The following CLOCK variants were observed in gnomAD, a reference collection of about 807,000 sequenced individuals.
CLOCK encodes the protein clock circadian regulator.
A neutral mutation model predicts 118.4 loss-of-function variants in CLOCK; 43 were observed. The ratio of observed to expected loss-of-function variants is 0.36; its 90% CI spans 0.28 to 0.47. The LOEUF (loss-of-function observed/expected upper bound fraction) is 0.47. CLOCK is among the 20% of genes least tolerant of loss of function. The pLI is 1.00. For missense variants in CLOCK, 846 were observed against 999.9 expected, an observed-to-expected ratio of 0.85 and a Z score of 2.08; for synonymous variants, 326 against 339.2, an observed-to-expected ratio of 0.96 and a Z score of 0.43.
At position 55,510,629 on chromosome 4, in the gene CLOCK, TAAAA is replaced by T. The variant is rs3842583; in HGVS notation, c.-289-568_-289-565del. Among the ~76,000 whole-genome samples the T allele has an allele frequency of 4.2e-3, 442 of 104,292 alleles. 1 individual carries two copies. The highest frequency in any genetic ancestry group is 0.035 in the East Asian group (134 of 3,810). The allele number at this position is 104,292 out of a possible 152,430, so 68.4% of individuals were successfully genotyped here. ...GCGACAGAACAAGACTCTGTCTTTT[TAAAA>T]AAAAAAAAAAAAAAAAAAAAGGTTT... On this transcript the variant is annotated intron_variant, in intron 1 of 22. Transcript: ENST00000513440.
chr4:55,443,724 A>G lies in CLOCK; in HGVS notation c.1865T>C (p.Met622Thr). Residue 622 changes from methionine (M) to threonine (T), a missense_variant, in exon 20 of 23, where the codon ATG (methionine) becomes ACG (threonine). This residue lies in a region of CLOCK where 520 missense variants were observed against 558.0 expected (regional missense o/e 0.93). Coordinates refer to ENST00000513440, the MANE Select transcript of CLOCK (RefSeq NM_004898.4). ...NTGHIGTTQH[M>T]IQQQTLQSTS... ...ACTCTGTAAAGTCTGTTGTTGTATC[A>G]TGTGCTGAGTTGTGCCAATGTGTCC... The G allele has an allele frequency of 6.2e-7, 1 of 1,614,084 alleles. No individual in the cohort carries two copies. The highest frequency in any genetic ancestry group is 8.5e-7 in the Non-Finnish European group (1 of 1,179,990).
intron 1 of CLOCK, among the ~76,000 whole-genome samples, chr4:55,528,116 G>C (rs1213242719): frequency 6.6e-6 from 1 of 152,032 alleles, no homozygotes; most frequent in Non-Finnish European, 1.5e-5. Context: ...CCAGCACTTT[G>C]GGAGGCTGAG....
chr4:55,442,585 C>T lies in CLOCK; in HGVS notation c.1952G>A (p.Ser651Asn). Residue 651 changes from serine to asparagine, a missense_variant, in exon 21 of 23, where the codon AGT becomes AAT. By Grantham distance (46) the Ser-to-Asn change is conservative (BLOSUM62 1). Transcript: ENST00000513440. ...SGHSQQTSLPSQTQSTLTAPL... is the reference protein window; with the variant it reads ...SGHSQQTSLPNQTQSTLTAPL... ...GGCTGTAAGAGTGCTCTGTGTCTGA[C>T]TGGGTAGAGATGTTTGCTGACTGTG... 6.2e-7 allele frequency: 1 copy of T among 1,612,172 alleles called. No individual in the cohort carries two copies. Among genetic ancestry groups the T allele is most frequent in the Non-Finnish European group, 8.5e-7 (1 of 1,179,728 alleles).
intron 2 of CLOCK, among the ~76,000 whole-genome samples, chr4:55,493,908 A>C (rs1184704775): frequency 6.6e-6 from 1 of 152,262 alleles, no homozygotes; most frequent in African/African-American, 2.4e-5. Flanking sequence ...GAATGTCAAG[A>C]TGTAAGATAT....
chr4:55,441,211 A>C (rs1215394711), intron 21 of CLOCK, among the ~76,000 whole-genome samples: 1 of 152,188 alleles, frequency 6.6e-6, no homozygotes, highest in Non-Finnish European at 1.5e-5. Flanking sequence ...ACTTAAAACC[A>C]CAATTAAATA....
At chr4:55,539,351 A>G (rs1156405978) in intron 1 of CLOCK, among the ~76,000 whole-genome samples, 3 of 152,070 alleles carry the variant, frequency 2.0e-5, no homozygotes, top group Non-Finnish European at 4.4e-5. Context: ...AGGTGGGGGG[A>G]TCTCTTAAGC....
At chr4:55,445,564 A>G (rs1304876151) in intron 18 of CLOCK, among the ~76,000 whole-genome samples, 2 of 123,682 alleles carry the variant, frequency 1.6e-5, no homozygotes, top group Non-Finnish European at 3.5e-5. Flanking sequence ...TGCTCTCTGC[A>G]TCTGCTATTT....
intron 16 of CLOCK, among the ~76,000 whole-genome samples, chr4:55,449,813 T>TA (rs11347931): frequency 2.6e-5 from 4 of 152,002 alleles, no homozygotes; most frequent in Admixed American, 1.3e-4. Flanking sequence ...GGCCCTACAG[T>TA]AAAAAAACAC....
At chr4:55,503,753 G>A (rs576523516) in intron 2 of CLOCK, among the ~76,000 whole-genome samples, 1 of 151,912 alleles carries the variant, frequency 6.6e-6, no homozygotes, top group East Asian at 1.9e-4. Flanking sequence ...TCATGTTCAC[G>A]TTCTTTCTTA....
chr4:55,542,337 C>G (rs1410892842), intron 1 of CLOCK, among the ~76,000 whole-genome samples: 7 of 143,294 alleles, frequency 4.9e-5, no homozygotes, highest in African/African-American at 1.8e-4. Flanking sequence ...GAGAGAGACT[C>G]TGTCTCAAAT....
At chr4:55,475,656 G>C (rs950868390) in intron 7 of CLOCK, among the ~76,000 whole-genome samples, 6 of 152,164 alleles carry the variant, frequency 3.9e-5, no homozygotes, top group African/African-American at 1.4e-4. Context: ...CTGACACTGA[G>C]GCAATACCTT....
intron 3 of CLOCK, among the ~76,000 whole-genome samples, chr4:55,487,706 T>C (rs1234924470): frequency 6.6e-6 from 1 of 152,198 alleles, no homozygotes; most frequent in African/African-American, 2.4e-5. Flanking sequence ...CAACAAATCA[T>C]CCTGTTTTAG....
At chr4:55,543,982 C>T (rs905511003) in intron 1 of CLOCK, among the ~76,000 whole-genome samples, 2 of 152,076 alleles carry the variant, frequency 1.3e-5, no homozygotes, top group African/African-American at 4.8e-5. Flanking sequence ...AACTGCAATC[C>T]ATTACTCACT....
chr4:55,458,691 T>G (rs1725090859), intron 11 of CLOCK, among the ~76,000 whole-genome samples: 1 of 152,134 alleles, frequency 6.6e-6, no homozygotes. Context: ...TATATAATAA[T>G]CACTGGTTAA....
At chr4:55,436,317 CAG>C (rs1449851771) in intron 22 of CLOCK, among the ~76,000 whole-genome samples, 9 of 152,310 alleles carry the variant, frequency 5.9e-5, no homozygotes, top group Non-Finnish European at 1.2e-4. Flanking sequence ...GATTTGCAGA[CAG>C]AAGCCCTGCA....
chr4:55,515,573 C>T (rs1010529540), intron 1 of CLOCK, among the ~76,000 whole-genome samples: 1 of 152,008 alleles, frequency 6.6e-6, no homozygotes, highest in African/African-American at 2.4e-5. Flanking sequence ...TTAGTAGAGA[C>T]GGGGTTTCAC....
chr4:55,466,138 C>T (rs1725723571), intron 8 of CLOCK, among the ~76,000 whole-genome samples: 1 of 152,124 alleles, frequency 6.6e-6, no homozygotes, highest in South Asian at 2.1e-4. Context: ...ATGGGAGGGG[C>T]TGAGTGGGAG....
intron 7 of CLOCK, among the ~76,000 whole-genome samples, chr4:55,471,631 G>A (rs1021534210): frequency 6.6e-6 from 1 of 152,174 alleles, no homozygotes. Flanking sequence ...TAATAAAAAT[G>A]CAATTTTGTA....
chr4:55,518,705 C>T (rs1489157888), intron 1 of CLOCK, among the ~76,000 whole-genome samples: 1 of 152,160 alleles, frequency 6.6e-6, no homozygotes, highest in Non-Finnish European at 1.5e-5. Flanking sequence ...CAACAAGGCA[C>T]CAGAATGGGC....
Sources: allele counts gnomAD v4.1 joint callset (sites outside exome capture counted in the v4.1 genomes callset), GRCh38; gene constraint gnomAD v4.1.1; regional missense constraint gnomAD v4.1.1; transcripts MANE v1.5; gene names NCBI Gene and HGNC (gene_info 2026-07-23, HGNC 2026-07-21).